Variants in DSP observed in about 807,000 individuals in gnomAD.
The protein encoded by DSP is desmoplakin, also known as 250/210 kDa paraneoplastic pemphigus antigen.
A neutral mutation model predicts 290.6 loss-of-function variants in DSP; 114 were observed. That is an observed-to-expected ratio of 0.39 (90% confidence interval 0.34 to 0.46). The LOEUF is 0.46. DSP is among the 20% of genes least tolerant of loss of function. The pLI, the probability that DSP is intolerant of heterozygous loss-of-function variation, is 0.99. For missense variants in DSP, 3,230 were observed against 3,495.8 expected, an observed-to-expected ratio of 0.92 and a Z score of 1.92; for synonymous variants, 1,311 against 1,316.4, an observed-to-expected ratio of 1.00 and a Z score of 0.09.
At chr6:7,551,737 G>A (rs1255081703) in intron 1 of DSP, among the ~76,000 whole-genome samples, 1 of 152,122 alleles carries the variant, frequency 6.6e-6, no homozygotes, top group Non-Finnish European at 1.5e-5. Flanking sequence ...AGACTGACCC[G>A]ATGGGTCGAA....
rs993063627 is a variant in DSP, at chr6:7,565,073, G to T, written c.778-286G>T. Among the ~76,000 whole-genome samples, 4 of 152,160 alleles carry T rather than the reference G, an allele frequency of 2.6e-5. No individual in the cohort carries two copies. The highest frequency in any genetic ancestry group is 7.2e-5 in the African/African-American group (3 of 41,438). ...GCAGGAGAATCGCTTAAACCCGGGAGGGGGAGGTTGCAGTGAACCGAGATC... is the reference window on the plus strand; with the variant it reads ...GCAGGAGAATCGCTTAAACCCGGGATGGGGAGGTTGCAGTGAACCGAGATC... On this transcript the variant is annotated intron_variant, in intron 6 of 23. Transcript: ENST00000379802. This position sits in a 1 kb window ranked among gnomAD's most constrained non-coding sequence, Gnocchi z 4.2.
At position 7,586,153 on chromosome 6, in the gene DSP, TCTC is replaced by T. The variant is rs144440643; in HGVS notation, c.*276_*278del. 6,359 of 359,898 alleles carry T rather than the reference TCTC, an allele frequency of 0.018. 74 individuals carry two copies. The highest frequency in any genetic ancestry group is 0.022 in the Non-Finnish European group (4,408 of 199,604). The allele number at this position is 359,898 out of a possible 1,614,324, so 22.3% of individuals were successfully genotyped here. A position where few individuals can be genotyped will look rare whatever the true frequency, so the allele number is the denominator to read the frequency against. ...CAAATCGAACTTAGGATTTGTTTCT[TCTC>T]TTCTGTGTTTCGATTTTTGATCAAT... On this transcript the variant is annotated 3_prime_UTR_variant, in exon 24 of 24. Transcript: ENST00000379802.
In DSP at chr6:7,585,312, A is replaced by G. The variant is rs147801650; in HGVS notation, c.8050A>G (p.Met2684Val). 9.3e-6 allele frequency: 15 copies of G among 1,614,026 alleles called. No individual in the cohort carries two copies. The highest frequency in any genetic ancestry group is 5.5e-5 in the South Asian group (5 of 91,082). The change falls in exon 24 of 24, where the codon ATG (methionine) becomes GTG (valine). Residue 2684 changes from methionine (M) to valine (V), a missense_variant. Met to Val is a conservative substitution (Grantham distance 21, BLOSUM62 1). Around this residue, in one of 5 missense-constraint regions of DSP, gnomAD observed 582 missense variants for 555.4 expected, o/e 1.05. Coordinates refer to ENST00000379802, the MANE Select transcript of DSP (RefSeq NM_004415.4). ...AVSQGVIDQD[M>V]ATRLKPAQKA... ...CTCCCAGGGTGTGATTGACCAAGAC[A>G]TGGCCACCAGGCTGAAGCCTGCTCA...
In DSP at chr6:7,572,044, C is replaced by T. The variant is rs752986545; in HGVS notation, c.2106C>T (p.Ile702=). The T allele has an allele frequency of 1.2e-6, 2 of 1,614,160 alleles. No individual in the cohort carries two copies. Among genetic ancestry groups the T allele is most frequent in the Non-Finnish European group, 8.5e-7 (1 of 1,180,004 alleles). The change falls in exon 15 of 24, where the codon ATC becomes ATT. Residue 702 remains isoleucine, a synonymous_variant. Coordinates refer to ENST00000379802, the MANE Select transcript of DSP (RefSeq NM_004415.4). ...CAGACCAGGGATCTTCTCACCACATCACAGTGAAAATTAACGAGCTTAAGG... is the reference window on the plus strand; with the variant it reads ...CAGACCAGGGATCTTCTCACCACATTACAGTGAAAATTAACGAGCTTAAGG... ...PLADQGSSHH[I]TVKINELKSV...
At chr6:7,543,313 C>T (rs1265661805) in intron 1 of DSP, among the ~76,000 whole-genome samples, 5 of 151,368 alleles carry the variant, frequency 3.3e-5, no homozygotes, top group African/African-American at 4.9e-5. Context: ...GTTTTGAAGG[C>T]AGGGACTACT....
intron 1 of DSP, among the ~76,000 whole-genome samples, chr6:7,553,362 T>C (rs1758398458): frequency 6.6e-6 from 1 of 152,240 alleles, no homozygotes; most frequent in Admixed American, 6.5e-5. Context: ...AACTCTTTCA[T>C]TTATCTGCTT....
Position 7,571,829 on chromosome 6 carries a change from C to T in DSP, c.1904-13C>T. On this transcript the variant is annotated splice_polypyrimidine_tract_variant and intron_variant, in intron 14 of 23. Coordinates refer to ENST00000379802, the MANE Select transcript of DSP (RefSeq NM_004415.4). The stretch of plus-strand genomic sequence containing the variant: ...TATTCTCTGATTTTTGTGGCCCTAA[C>T]TTCTTTTTACAGTGACCACAACTGA... The T allele has an allele frequency of 6.2e-7, 1 of 1,610,736 alleles. No individual in the cohort carries two copies. The highest frequency in any genetic ancestry group is 8.5e-7 in the Non-Finnish European group (1 of 1,179,858).
chr6:7,542,050 C>T lies in DSP; in HGVS notation c.135C>T (p.Arg45=). ...GGTSRMYYSR[R]GVITDQNSDG... ...CCAGCAGGATGTACTATTCTCGGCG[C>T]GGCGTGATCACCGACCAGAACTCGG... is the stretch of plus-strand genomic sequence containing the variant. The change falls in exon 1 of 24, where the codon CGC becomes CGT. Residue 45 remains arginine (R), a synonymous_variant. Coordinates refer to ENST00000379802, the MANE Select transcript of DSP (RefSeq NM_004415.4). The T allele has an allele frequency of 1.3e-6, 2 of 1,572,464 alleles. No individual in the cohort carries two copies. The highest frequency in any genetic ancestry group is 1.7e-6 in the Non-Finnish European group (2 of 1,159,436).
At position 7,571,835 on chromosome 6, in the gene DSP, T is replaced by C; in HGVS notation, c.1904-7T>C. The C allele has an allele frequency of 6.2e-7, 1 of 1,611,464 alleles. No homozygotes were observed. The highest frequency in any genetic ancestry group is 8.5e-7 in the Non-Finnish European group (1 of 1,179,996). ...CTGATTTTTGTGGCCCTAACTTCTTTTTACAGTGACCACAACTGAAATCAC... is the reference window on the plus strand; with the variant it reads ...CTGATTTTTGTGGCCCTAACTTCTTCTTACAGTGACCACAACTGAAATCAC... On this transcript the variant is annotated splice_polypyrimidine_tract_variant and splice_region_variant and intron_variant, in intron 14 of 23. Coordinates refer to ENST00000379802, the MANE Select transcript of DSP (RefSeq NM_004415.4).
In DSP at chr6:7,580,686, G is replaced by T. The variant is rs1271689575; in HGVS notation, c.4496G>T (p.Cys1499Phe). Residue 1499 changes from cysteine (C) to phenylalanine (F), a missense_variant, in exon 23 of 24, where the codon TGC becomes TTC. Cys to Phe is a radical substitution (Grantham distance 205). Coordinates refer to ENST00000379802, the MANE Select transcript of DSP (RefSeq NM_004415.4). This position sits in a 1 kb window ranked among gnomAD's most constrained non-coding sequence, Gnocchi z 4.2. Reference sequence around the variant, plus strand: ...GACAAAGAAACAAATGACCGGAAATGCCTGGAAGATGAAAACGCGAGATTA... The same window carrying T: ...GACAAAGAAACAAATGACCGGAAATTCCTGGAAGATGAAAACGCGAGATTA... Reference protein sequence around the residue: ...LIDKETNDRKCLEDENARLQR... With the variant: ...LIDKETNDRKFLEDENARLQR... 6.2e-7 allele frequency: 1 copy of T among 1,614,068 alleles called. No individual in the cohort carries two copies. The highest frequency in any genetic ancestry group is 8.5e-7 in the Non-Finnish European group (1 of 1,180,046).
chr6:7,567,835 A>G lies in DSP; in HGVS notation c.1195A>G (p.Ile399Val). 1 of 1,614,106 alleles carries G rather than the reference A, an allele frequency of 6.2e-7. No homozygotes were observed. Among genetic ancestry groups the G allele is most frequent in the East Asian group, 2.2e-5 (1 of 44,864 alleles). The part of the protein sequence containing the change: ...EAYLKGLQDS[I>V]RKKYPCDKNM... The stretch of plus-strand genomic sequence containing the variant: ...ATACCTGAAGGGGCTCCAGGACTCC[A>G]TCAGGAAGAAGTACCCCTGCGACAA... The change falls in exon 10 of 24, where the codon ATC (isoleucine) becomes GTC (valine). Residue 399 changes from isoleucine to valine, a missense_variant. Ile to Val is a conservative substitution (Grantham distance 29). This residue lies in a region of DSP where 646 missense variants were observed against 684.3 expected (regional missense o/e 0.94). Transcript: ENST00000379802.
At chr6:7,550,609 A>T (rs1438421277) in intron 1 of DSP, among the ~76,000 whole-genome samples, 4 of 152,040 alleles carry the variant, frequency 2.6e-5, no homozygotes, top group African/African-American at 9.7e-5. Context: ...TTGTTTAAAC[A>T]AGTTTTAGGA....
chr6:7,566,291 G>A (rs1276902858), intron 7 of DSP, 86 bp from the exon 8 acceptor site: 2 of 1,085,636 alleles, frequency 1.8e-6, no homozygotes, highest in African/African-American at 1.5e-5. Flanking sequence ...ATGCAGTTTT[G>A]TATTTCACTT....
At chr6:7,556,177 T>G (rs1424595297) in intron 2 of DSP, among the ~76,000 whole-genome samples, 1 of 152,212 alleles carries the variant, frequency 6.6e-6, no homozygotes, top group African/African-American at 2.4e-5. Flanking sequence ...GGGATGGATC[T>G]TCATGTGCAC....
intron 1 of DSP, among the ~76,000 whole-genome samples, chr6:7,542,293 C>A (rs1758017295): frequency 6.6e-6 from 1 of 152,096 alleles, no homozygotes; most frequent in South Asian, 2.1e-4. Context: ...CGAACAGGGA[C>A]TCGGTCGTAC....
At chr6:7,575,226 G>A in intron 17 of DSP, 69 bp from the exon 18 acceptor site, 1 of 1,539,646 alleles carries the variant, frequency 6.5e-7, no homozygotes, top group Non-Finnish European at 9.0e-7. Context: ...GCCCAATTTG[G>A]TGACTTGTAG....
In DSP at chr6:7,556,812, G is replaced by A. The variant is rs573418674; in HGVS notation, c.273+992G>A. ...GCTTGGCTCCAGTTCTAGTTGTTTC[G>A]AGTGTCTGATTTGAAACATACTCCT... On this transcript the variant is annotated intron_variant, in intron 2 of 23. Transcript: ENST00000379802. 7.0e-4 allele frequency among the ~76,000 whole-genome samples: 107 copies of A among 152,236 alleles called. 1 individual carries two copies. The highest frequency in any genetic ancestry group is 4.9e-3 in the Admixed American group (75 of 15,300).
rs1455610668 is a variant in DSP, at chr6:7,576,280, C to CT, written c.2631-13dup. The CT allele has an allele frequency of 6.2e-7, 1 of 1,612,720 alleles. No homozygotes were observed. The highest frequency in any genetic ancestry group is 8.5e-7 in the Non-Finnish European group (1 of 1,178,856). On this transcript the variant is annotated splice_polypyrimidine_tract_variant and intron_variant, in intron 18 of 23. Coordinates refer to ENST00000379802, the MANE Select transcript of DSP (RefSeq NM_004415.4). The stretch of plus-strand genomic sequence containing the variant: ...TAATAAGATAATGATTTTATTGTAT[C>CT]TATTTCCCCCCAGGTTATGGGACCT...
chr6:7,549,258 T>A (rs964534113), intron 1 of DSP, among the ~76,000 whole-genome samples: 2 of 152,114 alleles, frequency 1.3e-5, no homozygotes, highest in African/African-American at 4.8e-5. Context: ...CAAGCGATTC[T>A]CCTGCTTCAG....
Sources: gnomAD v4.1 joint callset for allele counts (sites outside exome capture counted in the v4.1 genomes callset) on GRCh38, gnomAD v4.1.1 for gene constraint, gnomAD v4.1.1 regional missense constraint, Gnocchi (gnomAD v3.1) non-coding constraint, MANE v1.5 for transcripts, NCBI Gene and HGNC (gene_info 2026-07-23, HGNC 2026-07-21) for gene names.